The following SLCO1B3 variants were observed in gnomAD, a reference collection of about 807,000 sequenced individuals.
SLCO1B3 encodes solute carrier organic anion transporter family member 1B3, also known as liver-specific organic anion transporter 2.
In SLCO1B3, 72 loss-of-function variants were observed where a neutral mutation model predicts 71.8. That is an observed-to-expected ratio of 1.00 (90% CI 0.83 to 1.22). The LOEUF (loss-of-function observed/expected upper bound fraction) is 1.22. Ranked by LOEUF, SLCO1B3 falls within the 50% of genes most tolerant of loss-of-function variation. The pLI is 0.00. For missense variants in SLCO1B3, 911 were observed against 819.7 expected (o/e 1.11, Z -1.36); for synonymous variants, 298 against 278.4 (o/e 1.07, Z -0.70).
intron 5 of SLCO1B3, among the ~76,000 whole-genome samples, chr12:20,860,597 CTTTGTGTGTGTGTG>C (rs1327833473): frequency 1.2e-5 from 1 of 80,154 alleles, no homozygotes; most frequent in Non-Finnish European, 2.7e-5. Flanking sequence ...AAGTCAAGCA[CTTTGTGTGTGTGTG>C]TGTGTGTGTG....
intron 1 of SLCO1B3, 131 bp from the exon 2 acceptor site, chr12:20,813,393 T>C (rs1018731231): frequency 3.9e-5 from 6 of 152,216 alleles, no homozygotes; most frequent in Non-Finnish European, 4.4e-5. Flanking sequence ...TTGGCATGCA[T>C]GAGCAGAGTG....
rs11292391 is a variant in SLCO1B3, at chr12:20,811,905, A to ATT, written c.-181+1159_-181+1160dup. Among the ~76,000 whole-genome samples the ATT allele has an allele frequency of 1.2e-3, 142 of 114,828 alleles. 1 individual carries two copies. Among genetic ancestry groups the ATT allele is most frequent in the South Asian group, 4.7e-3 (16 of 3,384 alleles). 75.3% of individuals were successfully genotyped at this position (114,828 alleles called of 152,430 possible). A position where few individuals can be genotyped will look rare whatever the true frequency, so the allele number is the denominator to read the frequency against. The stretch of plus-strand genomic sequence containing the variant: ...TAGGTACTTTGTACTTACTTGATAC[A>ATT]TTTTTTTTTTTTTTTTTTTGAGAAG... On this transcript the variant is annotated intron_variant, in intron 1 of 15. Transcript: ENST00000381545.
At chr12:20,881,068 G>T (rs375518545) in intron 12 of SLCO1B3, 48 bp downstream of exon 12, 138 of 1,342,556 alleles carry the variant, frequency 1.0e-4, no homozygotes, top group Admixed American at 2.0e-4. Context: ...CAAAATCACA[G>T]ATTTGATTTA....
At position 20,879,533 on chromosome 12, in the gene SLCO1B3, A is replaced by G. The variant is rs1369128088; in HGVS notation, c.1233A>G (p.Ser411=). The change falls in exon 11 of 16, where the codon TCA becomes TCG. Residue 411 remains serine, a synonymous_variant. Transcript: ENST00000381545. ...KLSLVGIAKF[S]FLTSMISFLF... ...CTTTAGTTGGAATTGCCAAATTTTC[A>G]TTTCTTACTTCGATGATATCCTTCT... is the stretch of plus-strand genomic sequence containing the variant. 4.3e-6 allele frequency: 7 copies of G among 1,612,122 alleles called. No homozygotes were observed. The highest frequency in any genetic ancestry group is 4.5e-5 in the East Asian group (2 of 44,782).
intron 3 of SLCO1B3, among the ~76,000 whole-genome samples, chr12:20,846,186 A>G (rs1864917068): frequency 6.6e-6 from 1 of 152,046 alleles, no homozygotes; most frequent in African/African-American, 2.4e-5. Flanking sequence ...TTTCCTTTAT[A>G]TCAAAGAGAA....
At chr12:20,876,417 T>G (rs1865579293) in intron 9 of SLCO1B3, among the ~76,000 whole-genome samples, 1 of 152,180 alleles carries the variant, frequency 6.6e-6, no homozygotes, top group African/African-American at 2.4e-5. Flanking sequence ...TTTTAAAGTT[T>G]TCATTGAAGT....
At chr12:20,820,099 C>T (rs943892200) in intron 3 of SLCO1B3, among the ~76,000 whole-genome samples, 19 of 152,066 alleles carry the variant, frequency 1.2e-4, no homozygotes, top group African/African-American at 2.9e-4. Flanking sequence ...CTGTCAATAC[C>T]CACAACAGTT....
At position 20,882,673 on chromosome 12, in the gene SLCO1B3, G is replaced by T. The variant is rs142802747; in HGVS notation, c.1498-745G>T. Among the ~76,000 whole-genome samples the T allele has an allele frequency of 1.2e-4, 19 of 152,196 alleles. 1 individual carries two copies. Among genetic ancestry groups the T allele is most frequent in the African/African-American group, 4.6e-4 (19 of 41,536 alleles). On this transcript the variant is annotated intron_variant, in intron 12 of 15. Transcript: ENST00000381545. ...CCTGCCTCATCCTCCCAAAGTGCTG[G>T]GATTACAGGTGTGAGTGACCACGCC...
rs925241525 is a variant in SLCO1B3 at position 20,851,934 on chromosome 12, T to C, written c.85-3094T>C. ...GACTGGTTCTCTCCCTGTCATGCAGTGTTGGCACCCTTGTTGAAAATCACT... is the reference window on the plus strand; with the variant it reads ...GACTGGTTCTCTCCCTGTCATGCAGCGTTGGCACCCTTGTTGAAAATCACT... On this transcript the variant is annotated intron_variant, in intron 3 of 15. Coordinates refer to ENST00000381545, the MANE Select transcript of SLCO1B3 (RefSeq NM_019844.4). Among the ~76,000 whole-genome samples, 27 of 152,136 alleles carry C rather than the reference T, an allele frequency of 1.8e-4. 1 individual carries two copies. The highest frequency in any genetic ancestry group is 5.8e-4 in the African/African-American group (24 of 41,438).
In SLCO1B3 at chr12:20,916,172, A is replaced by G. The variant is rs778990288; in HGVS notation, c.2034A>G (p.Glu678=). 6.2e-6 allele frequency: 10 copies of G among 1,612,314 alleles called. No individual in the cohort carries two copies. The South Asian group carries it at 9.9e-5, about 16-fold the overall frequency. Residue 678 remains glutamate, a synonymous_variant, in exon 16 of 16, where the codon GAA becomes GAG. Transcript: ENST00000381545. ...ACTTAGAATTCTTAAATAATGGTGA[A>G]CATTTTGTACCTTCTGCTGGAACAG... is the stretch of plus-strand genomic sequence containing the variant. ...EANLEFLNNG[E]HFVPSAGTDS...
chr12:20,844,828 A>G (rs2033511), intron 3 of SLCO1B3, among the ~76,000 whole-genome samples: 109,636 of 151,486 alleles, frequency 0.72, 42,246 homozygotes, highest in South Asian at 0.9. Context: ...CCAGGAATTC[A>G]AGACCAGCCT....
At chr12:20,860,191 G>A (rs1315822078) in intron 5 of SLCO1B3, among the ~76,000 whole-genome samples, 3 of 152,028 alleles carry the variant, frequency 2.0e-5, no homozygotes, top group South Asian at 4.1e-4. Flanking sequence ...TCCTGACCTC[G>A]TGATCTGCCC....
At position 20,813,750 on chromosome 12, in the gene SLCO1B3, G is replaced by A. The variant is rs1411476693; in HGVS notation, c.-66+112G>A. 2.0e-5 allele frequency: 3 copies of A among 150,870 alleles called. No individual in the cohort carries two copies. The East Asian group carries it at 5.9e-4, about 30-fold the overall frequency. The allele number at this position is 150,870 out of a possible 1,614,324, so 9.3% of individuals were successfully genotyped here. On this transcript the variant is annotated intron_variant, in intron 2 of 15. Coordinates refer to ENST00000381545, the MANE Select transcript of SLCO1B3 (RefSeq NM_019844.4). ...AACAAAAACATACATAAAACATTAT[G>A]TATTAAGTTATGTATTGATCCGTTG... is the stretch of plus-strand genomic sequence containing the variant.
In SLCO1B3 at chr12:20,855,969, A is replaced by C. The variant is rs954509224; in HGVS notation, c.226+800A>C. Among the ~76,000 whole-genome samples, 7 of 152,078 alleles carry C rather than the reference A, an allele frequency of 4.6e-5. No homozygotes were observed. The South Asian group carries it at 1.4e-3, about 31-fold the overall frequency. The stretch of plus-strand genomic sequence containing the variant: ...TCATGTTTCTATTCTAACTGTATTT[A>C]CACAATGCTTAACTAATGACTAAAA... On this transcript the variant is annotated intron_variant, in intron 4 of 15. Coordinates refer to ENST00000381545, the MANE Select transcript of SLCO1B3 (RefSeq NM_019844.4).
intron 13 of SLCO1B3, among the ~76,000 whole-genome samples, chr12:20,896,587 G>A (rs2417890): frequency 0.7 from 107,129 of 151,966 alleles, 39,983 homozygotes; most frequent in South Asian, 0.89. Flanking sequence ...TCACTATCAG[G>A]CTTTTAGCCA....
intron 3 of SLCO1B3, among the ~76,000 whole-genome samples, chr12:20,825,523 C>T (rs146075022): frequency 4.1e-4 from 63 of 152,162 alleles, no homozygotes; most frequent in African/African-American, 1.4e-3. Flanking sequence ...AGGCTGGCCA[C>T]GGTGGCTCAT....
intron 15 of SLCO1B3, among the ~76,000 whole-genome samples, chr12:20,913,438 T>G (rs1216437704): frequency 6.6e-6 from 1 of 152,232 alleles, no homozygotes; most frequent in Non-Finnish European, 1.5e-5. Context: ...TATCATTTTC[T>G]CCTCACATAT....
chr12:20,880,483 A>G (rs1308517084), intron 11 of SLCO1B3, among the ~76,000 whole-genome samples: 1 of 151,856 alleles, frequency 6.6e-6, no homozygotes, highest in Non-Finnish European at 1.5e-5. Context: ...AGAGAAACTG[A>G]ATCTCAGAAA....
At chr12:20,884,394 A>T (rs142849818) in intron 13 of SLCO1B3, among the ~76,000 whole-genome samples, 160 of 152,320 alleles carry the variant, frequency 1.1e-3, no homozygotes, top group East Asian at 1.3e-3. Flanking sequence ...GTACATCTCA[A>T]AAGAAGTGAC....
Sources: allele counts gnomAD v4.1 joint callset (sites outside exome capture counted in the v4.1 genomes callset), GRCh38; gene constraint gnomAD v4.1.1; transcripts MANE v1.5; gene names NCBI Gene and HGNC (gene_info 2026-07-23, HGNC 2026-07-21).